Variants in CFAP77 observed in about 807,000 individuals in gnomAD.
CFAP77 encodes the protein cilia and flagella associated protein 77, also known as cilia- and flagella-associated protein 77.
A neutral mutation model predicts 31.1 loss-of-function variants in CFAP77; 25 were observed. The observed-to-expected ratio is 0.80, with a 90% CI of 0.59 to 1.12. The LOEUF (loss-of-function observed/expected upper bound fraction) is 1.12, where lower values mean the gene tolerates loss of function less well. CFAP77 is among the 50% of genes most tolerant of loss of function. The pLI is 0.00. For missense variants in CFAP77, 377 were observed against 397.3 expected, an observed-to-expected ratio of 0.95 and a Z score of 0.44; for synonymous variants, 151 against 159.9, an observed-to-expected ratio of 0.94 and a Z score of 0.42.
intron 4 of CFAP77, among the ~76,000 whole-genome samples, chr9:132,540,105 T>C (rs1852614655): frequency 6.6e-6 from 1 of 152,050 alleles, no homozygotes; most frequent in African/African-American, 2.4e-5. Context: ...TAATTTTGTA[T>C]TTTTAGTAGA....
At chr9:132,413,684 G>A (rs987393564) in intron 1 of CFAP77, among the ~76,000 whole-genome samples, 1 of 152,144 alleles carries the variant, frequency 6.6e-6, no homozygotes, top group Non-Finnish European at 1.5e-5. Flanking sequence ...CTGATAACCT[G>A]TCAATACAAT....
At position 132,549,657 on chromosome 9, in the gene CFAP77, G is replaced by A. The variant is rs559333193; in HGVS notation, c.732+6610G>A. Among the ~76,000 whole-genome samples, 5 of 152,268 alleles carry A rather than the reference G, an allele frequency of 3.3e-5. No individual in the cohort carries two copies. The East Asian group carries it at 7.7e-4, about 23-fold the overall frequency. On this transcript the variant is annotated intron_variant, in intron 5 of 5. Coordinates refer to ENST00000393216, the MANE Select transcript of CFAP77 (RefSeq NM_001282957.2). ...GTTTGAGACCAGCCTGGTCAATATG[G>A]TGAAACTCTGTTTCTACTAAAAATG...
rs187499873 is a variant in CFAP77 at position 132,459,355 on chromosome 9, A to G, written c.196-39340A>G. ...CAAAGTGCTGGGATTACAGGAGTGA[A>G]CCACCGCGCCCGGCCACCCTGGAAC... On this transcript the variant is annotated intron_variant, in intron 1 of 5. Coordinates refer to ENST00000393216, the MANE Select transcript of CFAP77 (RefSeq NM_001282957.2). Among the ~76,000 whole-genome samples, 67 of 151,938 alleles carry G rather than the reference A, an allele frequency of 4.4e-4. 1 individual carries two copies. In the East Asian group the frequency reaches 0.01, roughly 24 times the overall value.
chr9:132,502,022 C>CACTG (rs1201657351), intron 3 of CFAP77, among the ~76,000 whole-genome samples: 2 of 152,222 alleles, frequency 1.3e-5, no homozygotes, highest in Non-Finnish European at 2.9e-5. Context: ...TTGTGCATTG[C>CACTG]ACTGAACAAA....
intron 1 of CFAP77, among the ~76,000 whole-genome samples, chr9:132,468,335 A>T (rs527966544): frequency 6.6e-6 from 1 of 152,034 alleles, no homozygotes; most frequent in African/African-American, 2.4e-5. Flanking sequence ...ACAGAGTGAG[A>T]CTCCGTCTCA....
chr9:132,450,653 C>T (rs1850809445), intron 1 of CFAP77, among the ~76,000 whole-genome samples: 1 of 152,152 alleles, frequency 6.6e-6, no homozygotes, highest in Non-Finnish European at 1.5e-5. Context: ...AGGCCATGAG[C>T]TTAACCACGG....
At chr9:132,486,086 A>ATTTTT (rs1352998263) in intron 1 of CFAP77, among the ~76,000 whole-genome samples, 1 of 17,614 alleles carries the variant, frequency 5.7e-5, no homozygotes, top group Non-Finnish European at 8.4e-5. Context: ...ATATATATAT[A>ATTTTT]TATATTTTTT....
At chr9:132,524,763 G>A (rs530691784) in intron 3 of CFAP77, among the ~76,000 whole-genome samples, 10 of 151,518 alleles carry the variant, frequency 6.6e-5, no homozygotes, top group South Asian at 4.2e-4. Flanking sequence ...ATTCTCCTGC[G>A]TCAGCCTCCC....
At chr9:132,551,386 C>T (rs959594178) in intron 5 of CFAP77, among the ~76,000 whole-genome samples, 5 of 152,060 alleles carry the variant, frequency 3.3e-5, no homozygotes, top group Admixed American at 6.5e-5. Flanking sequence ...GCATCCACCT[C>T]CTGGGTTCAA....
chr9:132,482,315 C>T (rs190417583), intron 1 of CFAP77: 12 of 1,613,084 alleles, frequency 7.4e-6, no homozygotes, highest in African/African-American at 2.7e-5. Context: ...CGTAGGCTGC[C>T]GGCCCGGCCT....
At position 132,480,891 on chromosome 9, in the gene CFAP77, A is replaced by G. The variant is rs1851433100; in HGVS notation, c.196-17804A>G. Among the ~76,000 whole-genome samples the G allele has an allele frequency of 6.6e-6, 1 of 152,090 alleles. No homozygotes were observed. Among genetic ancestry groups the G allele is most frequent in the Non-Finnish European group, 1.5e-5 (1 of 68,006 alleles). ...GGCATAAGATGAGGCCAAGGCTAGG[A>G]GCAGAGGTGCCCCCATTGTGGTCCG... On this transcript the variant is annotated intron_variant, in intron 1 of 5. Transcript: ENST00000393216. This position sits in a 1 kb window ranked among gnomAD's most constrained non-coding sequence, Gnocchi z 5.8.
rs929783931 is a variant in CFAP77, at chr9:132,495,610, A to G, written c.196-3085A>G. Among the ~76,000 whole-genome samples, 10 of 152,184 alleles carry G rather than the reference A, an allele frequency of 6.6e-5. No individual in the cohort carries two copies. The highest frequency in any genetic ancestry group is 1.2e-4 in the Non-Finnish European group (8 of 68,034). On this transcript the variant is annotated intron_variant, in intron 1 of 5. Coordinates refer to ENST00000393216, the MANE Select transcript of CFAP77 (RefSeq NM_001282957.2). The surrounding 1 kb of genome is among the most constrained non-coding windows in gnomAD (Gnocchi z 4.2). ...TGGGGTCTGGGATTTGAGATGGAAA[A>G]GAAGCGGAAGAAAAATGATCAACTG...
chr9:132,485,512 G>A (rs924073670), intron 1 of CFAP77, among the ~76,000 whole-genome samples: 2 of 152,140 alleles, frequency 1.3e-5, no homozygotes, highest in Non-Finnish European at 2.9e-5. Context: ...CATGTGACAG[G>A]GTAGAGGCTG....
At position 132,569,950 on chromosome 9, in the gene CFAP77, G is replaced by A. The variant is rs146551353; in HGVS notation, c.733-2438G>A. ...GGGGTCTCGCCATGTTGGCCAGGCT[G>A]GTCTCAAACTCCTGACAAGTGATCC... On this transcript the variant is annotated intron_variant, in intron 5 of 5. Transcript: ENST00000393216. Among the ~76,000 whole-genome samples, 656 of 152,116 alleles carry A rather than the reference G, an allele frequency of 4.3e-3. 3 individuals are homozygous for A. The highest frequency in any genetic ancestry group is 7.3e-3 in the Non-Finnish European group (496 of 68,004).
chr9:132,521,206 TGAGA>T (rs1331587079), intron 3 of CFAP77, among the ~76,000 whole-genome samples: 3 of 151,992 alleles, frequency 2.0e-5, no homozygotes, highest in Non-Finnish European at 2.9e-5. Context: ...GATCTTCCCA[TGAGA>T]GAGAGAGAAG....
At chr9:132,429,400 G>A (rs1186350328) in intron 1 of CFAP77, among the ~76,000 whole-genome samples, 1 of 151,646 alleles carries the variant, frequency 6.6e-6, no homozygotes, top group Non-Finnish European at 1.5e-5. Flanking sequence ...TTAGCCAGGG[G>A]TGGTGGCGGT....
intron 1 of CFAP77, among the ~76,000 whole-genome samples, chr9:132,415,722 C>T (rs953711686): frequency 6.6e-6 from 1 of 152,134 alleles, no homozygotes; most frequent in Non-Finnish European, 1.5e-5. Context: ...ATTCTGCCTG[C>T]TTGTTCCTTA....
rs186425678 is a variant in CFAP77, at chr9:132,469,727, C to T, written c.196-28968C>T. On this transcript the variant is annotated intron_variant, in intron 1 of 5. Transcript: ENST00000393216. ...CAGAGAGGTCTCACTTACCCTGACCCCAGTGCTCCACCCCGGCGGTGACAT... is the reference window on the plus strand; with the variant it reads ...CAGAGAGGTCTCACTTACCCTGACCTCAGTGCTCCACCCCGGCGGTGACAT... 1.4e-3 allele frequency among the ~76,000 whole-genome samples: 213 copies of T among 152,266 alleles called. 2 individuals carry two copies. The highest frequency in any genetic ancestry group is 4.9e-3 in the African/African-American group (204 of 41,548).
chr9:132,417,118 CTTTTTTTTTT>C (rs142153092), intron 1 of CFAP77, among the ~76,000 whole-genome samples: 2 of 139,232 alleles, frequency 1.4e-5, no homozygotes, highest in African/African-American at 5.3e-5. Context: ...TTCTTTTTTT[CTTTTTTTTTT>C]TTTTGAGACG....
Sources: gnomAD v4.1 joint callset for allele counts (sites outside exome capture counted in the v4.1 genomes callset) on GRCh38, gnomAD v4.1.1 for gene constraint, Gnocchi (gnomAD v3.1) non-coding constraint, MANE v1.5 for transcripts, NCBI Gene and HGNC (gene_info 2026-07-23, HGNC 2026-07-21) for gene names.